The following PACS1 variants were observed in gnomAD, a reference collection of about 807,000 sequenced individuals.
PACS1 encodes PACS-1.
PACS1 carries 24 observed loss-of-function variants against 115.0 expected under a neutral mutation model. The observed-to-expected ratio is 0.21, with a 90% CI of 0.15 to 0.29. The LOEUF (loss-of-function observed/expected upper bound fraction) is 0.29. Among genes scored for constraint, PACS1 ranks in the 10% least tolerant of loss-of-function variants. PACS1 has a pLI of 1.00. For synonymous variants in PACS1, 453 were observed against 504.5 expected, an observed-to-expected ratio of 0.90 and a Z score of 1.37; for missense variants, 838 against 1,251.2, an observed-to-expected ratio of 0.67 and a Z score of 4.98.
At chr11:66,146,636 G>T (rs1198305189) in intron 1 of PACS1, among the ~76,000 whole-genome samples, 3 of 152,116 alleles carry the variant, frequency 2.0e-5, no homozygotes, top group African/African-American at 7.2e-5. Context: ...AATGTATGAA[G>T]TAACAGCCAG....
chr11:66,125,829 C>T (rs541660162), intron 1 of PACS1, among the ~76,000 whole-genome samples: 4 of 152,204 alleles, frequency 2.6e-5, no homozygotes, highest in African/African-American at 4.8e-5. Flanking sequence ...TACTTGAGGT[C>T]GGGAGTTCAA....
chr11:66,111,456 C>T (rs1412649775), intron 1 of PACS1, among the ~76,000 whole-genome samples: 1 of 152,156 alleles, frequency 6.6e-6, no homozygotes, highest in East Asian at 1.9e-4. Flanking sequence ...CTTATGTATC[C>T]AAGTGCCTAT....
At chr11:66,221,392 A>G in intron 10 of PACS1, 145 bp downstream of exon 10, 1 of 687,248 alleles carries the variant, frequency 1.5e-6, no homozygotes, top group Non-Finnish European at 2.6e-6. Flanking sequence ...TCACAACTGT[A>G]ATCCTGGCAC....
rs143281926 is a variant in PACS1 at position 66,191,046 on chromosome 11, G to C, written c.357-2440G>C. Among the ~76,000 whole-genome samples the C allele has an allele frequency of 2.3e-3, 348 of 152,324 alleles. 2 individuals are homozygous for C. Among genetic ancestry groups the C allele is most frequent in the African/African-American group, 8.2e-3 (339 of 41,570 alleles). The stretch of plus-strand genomic sequence containing the variant: ...ACGTTTATTATCTTGCATTTCTGCA[G>C]GTCAGAAGTCCAAAATAGGTTTCAC... On this transcript the variant is annotated intron_variant, in intron 1 of 23. Transcript: ENST00000320580.
intron 7 of PACS1, among the ~76,000 whole-genome samples, chr11:66,219,359 G>A (rs900181894): frequency 1.8e-4 from 28 of 151,820 alleles, no homozygotes; most frequent in African/African-American, 5.8e-4. Flanking sequence ...AAGACGGGAC[G>A]CTGCGTTCCA....
At chr11:66,123,457 G>T (rs1467156873) in intron 1 of PACS1, among the ~76,000 whole-genome samples, 1 of 152,134 alleles carries the variant, frequency 6.6e-6, no homozygotes, top group African/African-American at 2.4e-5. Flanking sequence ...CTCCCAAAAT[G>T]CTGGGATTAT....
At chr11:66,102,706 A>C (rs1176537825) in intron 1 of PACS1, among the ~76,000 whole-genome samples, 2 of 152,200 alleles carry the variant, frequency 1.3e-5, no homozygotes, top group East Asian at 3.8e-4. Context: ...GAATAAAAAT[A>C]CTGCTCTCCC....
In PACS1 at chr11:66,174,026, G is replaced by A. The variant is rs1010790606; in HGVS notation, c.357-19460G>A. 2.0e-5 allele frequency among the ~76,000 whole-genome samples: 3 copies of A among 151,982 alleles called. No individual in the cohort carries two copies. In the South Asian group the frequency reaches 6.2e-4, roughly 32 times the overall value. On this transcript the variant is annotated intron_variant, in intron 1 of 23. Coordinates refer to ENST00000320580, the MANE Select transcript of PACS1 (RefSeq NM_018026.4). ...GAGATCGTGCCATTGCACTCCAGCT[G>A]GGCAACGGAGCAAGACTCTGTCTCA...
Position 66,236,054 on chromosome 11 carries a change from G to A in PACS1, c.2250+114G>A. On this transcript the variant is annotated intron_variant, in intron 19 of 23. Transcript: ENST00000320580. This position sits in a 1 kb window ranked among gnomAD's most constrained non-coding sequence, Gnocchi z 4.2. The stretch of plus-strand genomic sequence containing the variant: ...GAACAGTGGTTCTCCAGACACTGGA[G>A]ATTTTGCCTCCAGGGACTACCTGGC... 9.7e-7 allele frequency: 1 copy of A among 1,030,956 alleles called. No homozygotes were observed. Among genetic ancestry groups the A allele is most frequent in the Non-Finnish European group, 1.5e-6 (1 of 650,784 alleles). 63.9% of individuals were successfully genotyped at this position (1,030,956 alleles called of 1,614,324 possible). A position where few individuals can be genotyped will look rare whatever the true frequency, so the allele number is the denominator to read the frequency against.
intron 13 of PACS1, among the ~76,000 whole-genome samples, chr11:66,231,310 A>G (rs191700445): frequency 5.3e-4 from 80 of 152,346 alleles, no homozygotes; most frequent in Admixed American, 5.9e-4. Flanking sequence ...TCTGGATCTC[A>G]TGGGACATCC....
intron 2 of PACS1, among the ~76,000 whole-genome samples, chr11:66,197,517 G>A (rs1422390034): frequency 2.6e-5 from 4 of 152,164 alleles, no homozygotes; most frequent in African/African-American, 9.7e-5. Context: ...CAACTGGCTG[G>A]TCACAATGGC....
intron 1 of PACS1, among the ~76,000 whole-genome samples, chr11:66,129,356 T>G (rs1858650839): frequency 6.7e-6 from 1 of 150,218 alleles, no homozygotes; most frequent in Admixed American, 6.7e-5. Context: ...CACTTGTACC[T>G]GGAAGGTGGA....
At position 66,243,508 on chromosome 11, in the gene PACS1, C is replaced by A. The variant is rs761889015; in HGVS notation, c.*228C>A. ...CCTTCCCGCTTTTCCCCTTCTCCCT[C>A]CTGCTCCAGGCCCAAGGCGTGTTGG... is the stretch of plus-strand genomic sequence containing the variant. On this transcript the variant is annotated 3_prime_UTR_variant, in exon 24 of 24. Transcript: ENST00000320580. The A allele has an allele frequency of 5.3e-6, 3 of 567,252 alleles. No homozygotes were observed. 35.1% of individuals were successfully genotyped at this position (567,252 alleles called of 1,614,324 possible). A position where few individuals can be genotyped will look rare whatever the true frequency, so the allele number is the denominator to read the frequency against.
At chr11:66,191,335 T>C (rs576988124) in intron 1 of PACS1, among the ~76,000 whole-genome samples, 66 of 152,324 alleles carry the variant, frequency 4.3e-4, no homozygotes, top group African/African-American at 1.4e-3. Flanking sequence ...CTCAGGAGCC[T>C]TAACTTAATC....
Position 66,235,464 on chromosome 11 carries a change from T to C in PACS1, c.2207+61T>C, listed in dbSNP as rs1235089055. On this transcript the variant is annotated intron_variant, in intron 18 of 23. Coordinates refer to ENST00000320580, the MANE Select transcript of PACS1 (RefSeq NM_018026.4). This position sits in a 1 kb window ranked among gnomAD's most constrained non-coding sequence, Gnocchi z 5.6. ...TTGGGTGGGTTAGAGGAATCTTGAG[T>C]CTTCCTTGCTTTCTCACATTTTCCT... The C allele has an allele frequency of 8.6e-7, 1 of 1,169,422 alleles. No individual in the cohort carries two copies. The highest frequency in any genetic ancestry group is 1.5e-5 in the African/African-American group (1 of 66,214). The allele number at this position is 1,169,422 out of a possible 1,614,324, so 72.4% of individuals were successfully genotyped here. A position where few individuals can be genotyped will look rare whatever the true frequency, so the allele number is the denominator to read the frequency against.
At chr11:66,108,918 A>G (rs111556889) in intron 1 of PACS1, among the ~76,000 whole-genome samples, 36 of 152,298 alleles carry the variant, frequency 2.4e-4, no homozygotes, top group African/African-American at 8.7e-4. Flanking sequence ...GCAATGAGCT[A>G]TGTTTGTGCC....
At chr11:66,161,108 G>C (rs946598803) in intron 1 of PACS1, among the ~76,000 whole-genome samples, 2 of 152,166 alleles carry the variant, frequency 1.3e-5, no homozygotes, top group African/African-American at 4.8e-5. Flanking sequence ...GTAAGTGTAT[G>C]TGTTTGTGTT....
intron 1 of PACS1, among the ~76,000 whole-genome samples, chr11:66,114,297 A>G (rs1414863513): frequency 6.6e-6 from 1 of 152,012 alleles, no homozygotes; most frequent in Middle Eastern, 3.2e-3. Flanking sequence ...GGACGCCTAT[A>G]GTCACAGCTA....
intron 1 of PACS1, among the ~76,000 whole-genome samples, chr11:66,135,233 T>C (rs1858815475): frequency 6.6e-6 from 1 of 152,090 alleles, no homozygotes; most frequent in East Asian, 1.9e-4. Flanking sequence ...TCACCACTCA[T>C]TCTTTTCATT....
Sources: allele counts gnomAD v4.1 joint callset (sites outside exome capture counted in the v4.1 genomes callset), GRCh38; gene constraint gnomAD v4.1.1; non-coding constraint Gnocchi (gnomAD v3.1); transcripts MANE v1.5; gene names NCBI Gene and HGNC (gene_info 2026-07-23, HGNC 2026-07-21).